COL28A1: variants seen among roughly 807,000 people sequenced by gnomAD.
COL28A1 encodes the protein collagen type XXVIII alpha 1 chain.
A neutral mutation model predicts 150.2 loss-of-function variants in COL28A1; 161 were observed. The observed-to-expected ratio is 1.07, with a 90% CI of 0.94 to 1.22. The LOEUF (loss-of-function observed/expected upper bound fraction) is 1.22. Among genes scored for constraint, COL28A1 ranks in the 50% most tolerant of loss-of-function variants. The pLI is 0.00. For missense variants in COL28A1, 1,617 were observed against 1,388.3 expected (o/e 1.16, Z -2.62); for synonymous variants, 552 against 469.7 (o/e 1.18, Z -2.26).
the COL28A1 span, among the ~76,000 whole-genome samples, chr7:7,348,245 CG>C: frequency 6.6e-6 from 1 of 151,944 alleles, no homozygotes; most frequent in African/African-American, 2.4e-5. Context: ...ATCATTGGAG[CG>C]ATTCTAGCTG....
chr7:7,489,020 G>T (rs1275789121), intron 13 of COL28A1, among the ~76,000 whole-genome samples: 1 of 152,136 alleles, frequency 6.6e-6, no homozygotes. Flanking sequence ...AAGATGCAAG[G>T]TGGTTGGGAG....
At chr7:7,477,784 G>A (rs544073577) in intron 13 of COL28A1, among the ~76,000 whole-genome samples, 3 of 152,166 alleles carry the variant, frequency 2.0e-5, no homozygotes, top group Admixed American at 6.5e-5. Flanking sequence ...ACGGACCCCA[G>A]CAGGTTGCCT....
intron 15 of COL28A1, among the ~76,000 whole-genome samples, chr7:7,458,401 A>T (rs939915191): frequency 3.9e-5 from 6 of 152,036 alleles, no homozygotes; most frequent in African/African-American, 1.4e-4. Context: ...GGACAACAAG[A>T]GTGAAACTCT....
chr7:7,524,842 T>C (rs1781932288), intron 3 of COL28A1, among the ~76,000 whole-genome samples: 1 of 152,168 alleles, frequency 6.6e-6, no homozygotes, highest in African/African-American at 2.4e-5. Context: ...TTATGATCAC[T>C]AGGGGAGGAG....
Position 7,532,906 on chromosome 7 carries a change from G to A in COL28A1, c.-31C>T, listed in dbSNP as rs776104978. ...TAGATGGTGAAAAATCATCTGTCTTGTAGCACCTTTAATAGAAAAGTCAGT... is the reference window on the plus strand; with the variant it reads ...TAGATGGTGAAAAATCATCTGTCTTATAGCACCTTTAATAGAAAAGTCAGT... On this transcript the variant is annotated 5_prime_UTR_variant, in exon 2 of 35. Coordinates refer to ENST00000399429, the MANE Select transcript of COL28A1 (RefSeq NM_001037763.3). The A allele has an allele frequency of 1.3e-6, 2 of 1,550,118 alleles. No individual in the cohort carries two copies. Among genetic ancestry groups the A allele is most frequent in the South Asian group, 1.3e-5 (1 of 79,630 alleles).
intron 23 of COL28A1, among the ~76,000 whole-genome samples, chr7:7,433,652 A>G (rs1283285337): frequency 6.6e-6 from 1 of 150,512 alleles, no homozygotes; most frequent in East Asian, 2.0e-4. Context: ...AAAAAAAAAA[A>G]AAAAGATTAC....
chr7:7,528,661 G>C (rs1026102791), intron 3 of COL28A1, among the ~76,000 whole-genome samples: 5 of 152,118 alleles, frequency 3.3e-5, no homozygotes, highest in African/African-American at 4.8e-5. Flanking sequence ...CATACTATTT[G>C]AGTTTGTATA....
chr7:7,358,592 G>A lies in COL28A1; in HGVS notation c.*41C>T. ...TATTGGGTGAATATGTGGAAATTAGGGAGTTCTATGCTTTTGATAGAGACA... is the reference window on the plus strand; with the variant it reads ...TATTGGGTGAATATGTGGAAATTAGAGAGTTCTATGCTTTTGATAGAGACA... On this transcript the variant is annotated 3_prime_UTR_variant, in exon 35 of 35. Coordinates refer to ENST00000399429, the MANE Select transcript of COL28A1 (RefSeq NM_001037763.3). 1.3e-6 allele frequency: 2 copies of A among 1,576,832 alleles called. No individual in the cohort carries two copies. The highest frequency in any genetic ancestry group is 1.7e-6 in the Non-Finnish European group (2 of 1,149,890).
At chr7:7,485,740 T>A (rs1290787846) in intron 13 of COL28A1, among the ~76,000 whole-genome samples, 3 of 152,210 alleles carry the variant, frequency 2.0e-5, no homozygotes. Context: ...CTCTATTGGA[T>A]TGCTTTCACA....
intron 33 of COL28A1, among the ~76,000 whole-genome samples, chr7:7,361,241 A>G (rs1469571472): frequency 1.3e-5 from 2 of 152,210 alleles, no homozygotes; most frequent in Admixed American, 6.5e-5. Context: ...CTGGACTAAA[A>G]TTTCCAAGTT....
rs748207793 is a variant in COL28A1, at chr7:7,521,908, A to T, written c.756T>A (p.Pro252=). 1 of 1,057,334 alleles carries T rather than the reference A, an allele frequency of 9.5e-7. No homozygotes were observed. The allele number at this position is 1,057,334 out of a possible 1,614,324, so 65.5% of individuals were successfully genotyped here. A position where few individuals can be genotyped will look rare whatever the true frequency, so the allele number is the denominator to read the frequency against. The change falls in exon 5 of 35, where the codon CCT becomes CCA. Residue 252 remains proline (P), a synonymous_variant. Coordinates refer to ENST00000399429, the MANE Select transcript of COL28A1 (RefSeq NM_001037763.3). ...CEKGDPGDPG[P]PGTHGNPGIK... is the part of the protein sequence containing the mutation. ...TTCAAAGTGGAAGTATACTCACAGG[A>T]GGCCCTGGATCACCTGGATCTCCCT...
chr7:7,343,326 A>G, the COL28A1 span, among the ~76,000 whole-genome samples: 1 of 151,632 alleles, frequency 6.6e-6, no homozygotes, highest in African/African-American at 2.4e-5. Context: ...TTCCTTCTCA[A>G]TCTAAAATTC....
chr7:7,519,228 G>A (rs1474604565), intron 6 of COL28A1, among the ~76,000 whole-genome samples: 2 of 152,070 alleles, frequency 1.3e-5, no homozygotes, highest in Non-Finnish European at 2.9e-5. Flanking sequence ...TTATGTAGGG[G>A]AACTTCCCCT....
At chr7:7,511,558 G>A (rs1478516739) in intron 8 of COL28A1, 16 of 306,076 alleles carry the variant, frequency 5.2e-5, no homozygotes, top group Non-Finnish European at 8.6e-5. Flanking sequence ...CTATCAAATA[G>A]CTAGTAAGTA....
rs770173745 is a variant in COL28A1, at chr7:7,360,463, C to A, written c.3132G>T (p.Leu1044=). Residue 1044 remains leucine, a synonymous_variant, in exon 34 of 35, where the codon CTG becomes CTT. Coordinates refer to ENST00000399429, the MANE Select transcript of COL28A1 (RefSeq NM_001037763.3). ...TGGCCTCAGATGAGGTAGTGGCAGG[C>A]AGATCATCAGCCCACGTTGGCTCTG... is the stretch of plus-strand genomic sequence containing the variant. ...KAPEPTWADD[L]PATTSSEATT... The A allele has an allele frequency of 6.2e-7, 1 of 1,609,364 alleles. No homozygotes were observed. The highest frequency in any genetic ancestry group is 1.1e-5 in the South Asian group (1 of 90,014).
intron 27 of COL28A1, among the ~76,000 whole-genome samples, chr7:7,388,814 G>T (rs2128293026): frequency 1.3e-5 from 2 of 152,276 alleles, no homozygotes; most frequent in East Asian, 3.9e-4. Context: ...TTTGAGAAGT[G>T]TCTGTTCATA....
At chr7:7,392,791 C>G (rs1170317984) in intron 27 of COL28A1, among the ~76,000 whole-genome samples, 1 of 152,126 alleles carries the variant, frequency 6.6e-6, no homozygotes, top group African/African-American at 2.4e-5. Context: ...GTGTATGCTT[C>G]ACGAAGTTCT....
chr7:7,520,190 C>A, intron 5 of COL28A1, 75 bp from the exon 6 acceptor site: 1 of 748,952 alleles, frequency 1.3e-6, no homozygotes, highest in South Asian at 1.9e-5. Flanking sequence ...AATTTCTGAT[C>A]AGTTTTGTTT....
At chr7:7,400,696 A>C (rs538682792) in intron 27 of COL28A1, among the ~76,000 whole-genome samples, 100 of 152,118 alleles carry the variant, frequency 6.6e-4, no homozygotes, top group Admixed American at 6.5e-4. Context: ...TTAAAAAAAA[A>C]AAACCTTCCT....
Sources: gnomAD v4.1 joint callset for allele counts (sites outside exome capture counted in the v4.1 genomes callset) on GRCh38, gnomAD v4.1.1 for gene constraint, MANE v1.5 for transcripts, NCBI Gene and HGNC (gene_info 2026-07-23, HGNC 2026-07-21) for gene names.